The following CSMD1 variants were observed in gnomAD, a reference collection of about 807,000 sequenced individuals.
CSMD1 encodes CUB and Sushi multiple domains 1.
In CSMD1, 213 loss-of-function variants were observed where a neutral mutation model predicts 417.5. The ratio of observed to expected loss-of-function variants is 0.51; its 90% confidence interval spans 0.46 to 0.57. CSMD1 has a LOEUF of 0.57. Among genes scored for constraint, CSMD1 ranks in the 20% least tolerant of loss-of-function variants. The pLI is 0.00. For synonymous variants in CSMD1, 2,862 were observed against 1,736.8 expected, an observed-to-expected ratio of 1.65 and a Z score of -16.11; for missense variants, 6,923 against 4,529.7, an observed-to-expected ratio of 1.53 and a Z score of -15.17.
chr8:4,838,517 T>C (rs1487451088), intron 1 of CSMD1, among the ~76,000 whole-genome samples: 1 of 152,248 alleles, frequency 6.6e-6, no homozygotes, highest in African/African-American at 2.4e-5. Flanking sequence ...TTTCCCTTGA[T>C]GGGGCAAAGC....
At chr8:3,446,863 T>A (rs1815340144) in intron 12 of CSMD1, among the ~76,000 whole-genome samples, 1 of 152,228 alleles carries the variant, frequency 6.6e-6, no homozygotes, top group South Asian at 2.1e-4. Flanking sequence ...TCATTAGCAT[T>A]TCTTTTTCTA....
At chr8:3,171,413 A>C (rs1820576236) in intron 37 of CSMD1, among the ~76,000 whole-genome samples, 1 of 152,156 alleles carries the variant, frequency 6.6e-6, no homozygotes, top group Admixed American at 6.5e-5. Context: ...TCTCAATCCC[A>C]CTGACATGTC....
intron 3 of CSMD1, among the ~76,000 whole-genome samples, chr8:4,156,931 C>G (rs10092075): frequency 6.6e-6 from 1 of 152,072 alleles, no homozygotes; most frequent in Non-Finnish European, 1.5e-5. Flanking sequence ...GTGAGGGTTA[C>G]GAAACTTTAT....
At chr8:3,842,088 T>C (rs564746529) in intron 5 of CSMD1, among the ~76,000 whole-genome samples, 1 of 152,346 alleles carries the variant, frequency 6.6e-6, no homozygotes, top group African/African-American at 2.4e-5. Context: ...TAAATGTAAC[T>C]GGAAAACACA....
At chr8:4,596,758 G>C (rs1349081082) in intron 2 of CSMD1, among the ~76,000 whole-genome samples, 2 of 152,156 alleles carry the variant, frequency 1.3e-5, no homozygotes, top group African/African-American at 4.8e-5. Flanking sequence ...ACATGATATG[G>C]ATTGGCTGTA....
intron 3 of CSMD1, among the ~76,000 whole-genome samples, chr8:4,130,923 T>A (rs1011060327): frequency 6.6e-6 from 1 of 152,056 alleles, no homozygotes; most frequent in Non-Finnish European, 1.5e-5. Flanking sequence ...GATTAATTAT[T>A]CAGGCTTTCT....
At chr8:4,945,352 A>G (rs760822993) in intron 1 of CSMD1, among the ~76,000 whole-genome samples, 6 of 152,214 alleles carry the variant, frequency 3.9e-5, no homozygotes, top group Non-Finnish European at 8.8e-5. Flanking sequence ...ATGTGAAGAT[A>G]CATAACACTT....
At chr8:3,260,293 A>G (rs1310685249) in intron 26 of CSMD1, among the ~76,000 whole-genome samples, 1 of 152,018 alleles carries the variant, frequency 6.6e-6, no homozygotes, top group Non-Finnish European at 1.5e-5. Flanking sequence ...TAGAAACGCC[A>G]CCTCTGTGAG....
At chr8:4,465,039 A>C (rs1800079026) in intron 2 of CSMD1, among the ~76,000 whole-genome samples, 1 of 152,116 alleles carries the variant, frequency 6.6e-6, no homozygotes, top group Admixed American at 6.6e-5. Flanking sequence ...GAAAAAAGGG[A>C]AACACAACAA....
intron 3 of CSMD1, among the ~76,000 whole-genome samples, chr8:4,231,563 T>C (rs1801735582): frequency 6.6e-6 from 1 of 152,170 alleles, no homozygotes; most frequent in Non-Finnish European, 1.5e-5. Flanking sequence ...TGACAACAGT[T>C]TGCATGTAAC....
At chr8:4,511,102 C>A (rs1802797049) in intron 2 of CSMD1, among the ~76,000 whole-genome samples, 1 of 152,052 alleles carries the variant, frequency 6.6e-6, no homozygotes, top group Non-Finnish European at 1.5e-5. Context: ...TGTTCAATTC[C>A]AGATGTGAAC....
chr8:4,093,344 G>C (rs1429449281), intron 3 of CSMD1, among the ~76,000 whole-genome samples: 1 of 152,030 alleles, frequency 6.6e-6, no homozygotes, highest in Non-Finnish European at 1.5e-5. Context: ...TACAAATGTA[G>C]AAGAATAATG....
At chr8:3,240,443 G>C (rs1376248698) in intron 26 of CSMD1, among the ~76,000 whole-genome samples, 2 of 152,088 alleles carry the variant, frequency 1.3e-5, no homozygotes, top group African/African-American at 4.8e-5. Context: ...TTGTTTTATA[G>C]GTGTTGGGGT....
intron 3 of CSMD1, among the ~76,000 whole-genome samples, chr8:4,241,623 G>A (rs1244357708): frequency 6.6e-6 from 1 of 152,062 alleles, no homozygotes; most frequent in South Asian, 2.1e-4. Flanking sequence ...CTATGTAGAG[G>A]AGAAATAATT....
chr8:4,306,155 A>G (rs961832258), intron 3 of CSMD1, among the ~76,000 whole-genome samples: 1 of 150,920 alleles, frequency 6.6e-6, no homozygotes, highest in South Asian at 2.1e-4. Context: ...TAGAAGAAAG[A>G]GTACTGGTTT....
chr8:4,632,794 A>C (rs993693838), intron 2 of CSMD1, among the ~76,000 whole-genome samples: 5 of 152,294 alleles, frequency 3.3e-5, no homozygotes, highest in Admixed American at 1.3e-4. Flanking sequence ...AGATTTCCTG[A>C]AATAAATATA....
At chr8:3,691,764 T>G (rs1800256444) in intron 7 of CSMD1, among the ~76,000 whole-genome samples, 1 of 136,364 alleles carries the variant, frequency 7.3e-6, no homozygotes, top group Non-Finnish European at 1.7e-5. Flanking sequence ...CTCAATACCA[T>G]TTTTTACACA....
chr8:3,299,931 G>T (rs973757369), intron 25 of CSMD1, among the ~76,000 whole-genome samples: 1 of 152,118 alleles, frequency 6.6e-6, no homozygotes, highest in African/African-American at 2.4e-5. Flanking sequence ...ATTTGGTAAT[G>T]GCTATAAAAA....
intron 1 of CSMD1, among the ~76,000 whole-genome samples, chr8:4,962,535 G>T (rs1809575473): frequency 6.6e-6 from 1 of 152,154 alleles, no homozygotes; most frequent in Admixed American, 6.6e-5. Context: ...ATCTTATGAA[G>T]CATGGAGGAC....
Sources: gnomAD v4.1 joint callset for allele counts (sites outside exome capture counted in the v4.1 genomes callset) on GRCh38, gnomAD v4.1.1 for gene constraint, MANE v1.5 for transcripts, NCBI Gene and HGNC (gene_info 2026-07-23, HGNC 2026-07-21) for gene names.